OLFM2: variants seen among roughly 807,000 people sequenced by gnomAD.
The protein encoded by OLFM2 is noelin-2.
In OLFM2, 20 loss-of-function variants were observed where a neutral mutation model predicts 43.9. That is an observed-to-expected ratio of 0.46 (90% confidence interval 0.32 to 0.66). The LOEUF (loss-of-function observed/expected upper bound fraction) is 0.66. Among genes scored for constraint, OLFM2 ranks in the 30% least tolerant of loss-of-function variants. OLFM2 has a pLI of 0.04. For missense variants in OLFM2, 416 were observed against 643.6 expected (o/e 0.65, Z 3.83); for synonymous variants, 268 against 278.6 (o/e 0.96, Z 0.38).
chr19:9,871,369 G>A (rs957884936), intron 1 of OLFM2, among the ~76,000 whole-genome samples: 5 of 151,770 alleles, frequency 3.3e-5, no homozygotes, highest in Non-Finnish European at 4.4e-5. Flanking sequence ...TCAGGAGTTC[G>A]AATCCAGCCC....
At chr19:9,897,489 C>T (rs1364532965) in intron 1 of OLFM2, among the ~76,000 whole-genome samples, 1 of 152,044 alleles carries the variant, frequency 6.6e-6, no homozygotes, top group Non-Finnish European at 1.5e-5. Context: ...CAGAATGAGA[C>T]TCTGTCTCAA....
At position 9,857,624 on chromosome 19, in the gene OLFM2, T is replaced by G. The variant is rs913554964; in HGVS notation, c.360+91A>C. The G allele has an allele frequency of 1.5e-4, 243 of 1,593,172 alleles. 5 individuals are homozygous for G. In the South Asian group the frequency reaches 2.6e-3, roughly 17 times the overall value. On this transcript the variant is annotated intron_variant, in intron 3 of 5. Coordinates refer to ENST00000264833, the MANE Select transcript of OLFM2 (RefSeq NM_058164.4). This position sits in a 1 kb window ranked among gnomAD's most constrained non-coding sequence, Gnocchi z 5.7. ...CATGTGGCTCATATTGGACCCTAGA[T>G]TCTTCCCAGACATGACTCCATTGTA...
chr19:9,857,579 G>A lies in OLFM2; in HGVS notation c.361-97C>T, dbSNP rs1033414652. 3.9e-6 allele frequency: 6 copies of A among 1,555,140 alleles called. No individual in the cohort carries two copies. Among genetic ancestry groups the A allele is most frequent in the Non-Finnish European group, 4.4e-6 (5 of 1,134,614 alleles). On this transcript the variant is annotated intron_variant, in intron 3 of 5. Transcript: ENST00000264833. The surrounding 1 kb of genome is among the most constrained non-coding windows in gnomAD (Gnocchi z 5.7). ...ACTCATAACTTCACCCTTTGTCTTT[G>A]ATGCACACCTGGCCCTTGACATGTG...
intron 1 of OLFM2, among the ~76,000 whole-genome samples, chr19:9,904,591 G>A (rs916539257): frequency 2.0e-5 from 3 of 151,934 alleles, no homozygotes; most frequent in African/African-American, 7.3e-5. Flanking sequence ...TAGTGTGAAG[G>A]GGCAAGCAGA....
rs776442871 is a variant in OLFM2, at chr19:9,856,928, CAG to C, written c.581-17_581-16del. ...CTTCCCACAGCCTGGGAGGCAGGAA[CAG>C]GGGGAATGAGGATGGGGAAATGAAC... is the stretch of plus-strand genomic sequence containing the variant. On this transcript the variant is annotated splice_polypyrimidine_tract_variant and intron_variant, in intron 4 of 5. Transcript: ENST00000264833. This position sits in a 1 kb window ranked among gnomAD's most constrained non-coding sequence, Gnocchi z 4.0. 1.8e-5 allele frequency: 28 copies of C among 1,585,218 alleles called. No homozygotes were observed. The highest frequency in any genetic ancestry group is 1.1e-4 in the Admixed American group (6 of 56,804).
intron 1 of OLFM2, chr19:9,913,637 C>T (rs1180167619): frequency 7.9e-7 from 1 of 1,258,046 alleles, no homozygotes; most frequent in South Asian, 2.0e-5. Flanking sequence ...GCCTCATGCC[C>T]CGCGGCCGCC....
chr19:9,928,483 T>C (rs2086465424), intron 1 of OLFM2, among the ~76,000 whole-genome samples: 1 of 151,660 alleles, frequency 6.6e-6, no homozygotes, highest in Non-Finnish European at 1.5e-5. Context: ...GGACCGAGAG[T>C]CTACTGGGTC....
Position 9,903,191 on chromosome 19 carries a change from G to T in OLFM2, c.63+33113C>A, listed in dbSNP as rs377538729. Among the ~76,000 whole-genome samples the T allele has an allele frequency of 1.2e-4, 19 of 152,224 alleles. 1 individual carries two copies. Among genetic ancestry groups the T allele is most frequent in the Admixed American group, 7.9e-4 (12 of 15,270 alleles). The stretch of plus-strand genomic sequence containing the variant: ...TAATAGGTATAAGCCACTGCACCTG[G>T]CCATTGCTTTTATCCTGGATAATTC... On this transcript the variant is annotated intron_variant, in intron 1 of 5. Transcript: ENST00000264833.
intron 1 of OLFM2, chr19:9,913,537 G>A: frequency 8.2e-7 from 1 of 1,220,236 alleles, no homozygotes; most frequent in Non-Finnish European, 1.0e-6. Context: ...CCACGAGCGA[G>A]GGCAGCGTCT....
Position 9,857,237 on chromosome 19 carries a change from G to T in OLFM2, c.580+26C>A. ...TTGGGTGTGGCAGTCAGAGATCAGG[G>T]GTCAGGGTCAAGGGCCAAGGCATAC... On this transcript the variant is annotated intron_variant, in intron 4 of 5. Transcript: ENST00000264833. The surrounding 1 kb of genome is among the most constrained non-coding windows in gnomAD (Gnocchi z 5.7). The T allele has an allele frequency of 6.2e-7, 1 of 1,600,672 alleles. No individual in the cohort carries two copies. Among genetic ancestry groups the T allele is most frequent in the Non-Finnish European group, 8.6e-7 (1 of 1,169,276 alleles).
chr19:9,855,379 T>G (rs1360670553), intron 5 of OLFM2, among the ~76,000 whole-genome samples: 1 of 151,862 alleles, frequency 6.6e-6, no homozygotes, highest in South Asian at 2.1e-4. Context: ...TAGCTGGGAT[T>G]ACAGGCGCAT....
intron 1 of OLFM2, among the ~76,000 whole-genome samples, chr19:9,927,875 A>C (rs1163197721): frequency 2.6e-5 from 4 of 151,898 alleles, no homozygotes; most frequent in Non-Finnish European, 4.4e-5. Flanking sequence ...CAGCCTGAAC[A>C]ATATTGTGAA....
intron 1 of OLFM2, among the ~76,000 whole-genome samples, chr19:9,910,392 T>C (rs1201567162): frequency 6.6e-6 from 1 of 152,046 alleles, no homozygotes; most frequent in Non-Finnish European, 1.5e-5. Flanking sequence ...TTTTCAAACA[T>C]AAAAATTCTT....
chr19:9,879,650 A>C lies in OLFM2; in HGVS notation c.64-18856T>G, dbSNP rs1311647318. Among the ~76,000 whole-genome samples, 10 of 149,596 alleles carry C rather than the reference A, an allele frequency of 6.7e-5. 1 individual carries two copies. The highest frequency in any genetic ancestry group is 6.7e-4 in the Admixed American group (10 of 15,020). ...CCAGTGTCAGGTATTTCTTTATAGC[A>C]GTATGAGAACGAACTAATACACTGG... On this transcript the variant is annotated intron_variant, in intron 1 of 5. Transcript: ENST00000264833.
intron 1 of OLFM2, among the ~76,000 whole-genome samples, chr19:9,908,464 ATTTTTTTTTTT>A (rs34305631): frequency 7.4e-5 from 3 of 40,346 alleles, no homozygotes; most frequent in Non-Finnish European, 1.2e-4. Context: ...CACCTGGCTA[ATTTTTTTTTTT>A]TTTTTTTTTT....
chr19:9,886,311 T>C (rs569544600), intron 1 of OLFM2, among the ~76,000 whole-genome samples: 10 of 152,066 alleles, frequency 6.6e-5, no homozygotes, highest in Admixed American at 5.9e-4. Context: ...GTTCAAGTGA[T>C]TCTCCTGCCC....
At chr19:9,907,193 C>G (rs1470819694) in intron 1 of OLFM2, among the ~76,000 whole-genome samples, 2 of 152,112 alleles carry the variant, frequency 1.3e-5, no homozygotes, top group Non-Finnish European at 2.9e-5. Context: ...TGGTGGTTCA[C>G]GCCTGTAATC....
intron 1 of OLFM2, among the ~76,000 whole-genome samples, chr19:9,913,274 G>T (rs1022706454): frequency 7.9e-5 from 12 of 152,174 alleles, no homozygotes; most frequent in Admixed American, 7.9e-4. Context: ...TGGCGCGGAG[G>T]TGGCTAGGGG....
chr19:9,871,618 T>A (rs548225484), intron 1 of OLFM2, among the ~76,000 whole-genome samples: 1 of 150,100 alleles, frequency 6.7e-6, no homozygotes, highest in Non-Finnish European at 1.5e-5. Context: ...TCACTGCCTG[T>A]AAGTGATGTA....
Sources: allele counts gnomAD v4.1 joint callset (sites outside exome capture counted in the v4.1 genomes callset), GRCh38; gene constraint gnomAD v4.1.1; non-coding constraint Gnocchi (gnomAD v3.1); transcripts MANE v1.5; gene names NCBI Gene and HGNC (gene_info 2026-07-23, HGNC 2026-07-21).